TRPM3: variants seen among roughly 807,000 people sequenced by gnomAD.
The protein encoded by TRPM3 is long transient receptor potential channel 3.
A neutral mutation model predicts 181.2 loss-of-function variants in TRPM3; 77 were observed. The ratio of observed to expected loss-of-function variants is 0.42; its 90% CI spans 0.35 to 0.51. TRPM3 has a LOEUF of 0.51. TRPM3 is among the 20% of genes least tolerant of loss of function. The pLI is 0.01. For missense variants in TRPM3, 1,759 were observed against 2,196.7 expected (o/e 0.80, Z 3.98); for synonymous variants, 745 against 796.4 (o/e 0.94, Z 1.09).
intron 7 of TRPM3, chr9:70,776,255 C>A (rs915189938): frequency 1.8e-5 from 8 of 451,100 alleles, no homozygotes; most frequent in African/African-American, 6.1e-5. Flanking sequence ...AAAAATCAAT[C>A]AAGACAAGTG....
intron 5 of TRPM3, among the ~76,000 whole-genome samples, chr9:70,839,375 A>G (rs1430039612): frequency 2.6e-5 from 4 of 152,152 alleles, no homozygotes; most frequent in Non-Finnish European, 5.9e-5. Flanking sequence ...ATTTAGAAGC[A>G]CACTCAAGGA....
intron 14 of TRPM3, among the ~76,000 whole-genome samples, chr9:70,624,951 G>C (rs1278634434): frequency 6.6e-6 from 1 of 152,046 alleles, no homozygotes; most frequent in Non-Finnish European, 1.5e-5. Flanking sequence ...ATAGATAAAA[G>C]CTCCTTGAGG....
intron 1 of TRPM3, among the ~76,000 whole-genome samples, chr9:71,053,762 A>G (rs1179848989): frequency 2.0e-5 from 3 of 152,124 alleles, no homozygotes; most frequent in Non-Finnish European, 4.4e-5. Flanking sequence ...TCCAAAAGGT[A>G]TGAGCCAGAC....
chr9:71,134,420 T>C (rs2074625839), intron 1 of TRPM3, among the ~76,000 whole-genome samples: 1 of 151,786 alleles, frequency 6.6e-6, no homozygotes, highest in Admixed American at 6.6e-5. Context: ...GGTGTGATGG[T>C]GTGCACCTGT....
intron 22 of TRPM3, among the ~76,000 whole-genome samples, chr9:70,569,563 G>A (rs953259277): frequency 2.0e-5 from 3 of 152,174 alleles, no homozygotes; most frequent in Non-Finnish European, 2.9e-5. Context: ...AACCAGAGAC[G>A]ATGAGTTTAG....
intron 1 of TRPM3, among the ~76,000 whole-genome samples, chr9:71,314,032 A>G (rs1278973798): frequency 2.0e-5 from 3 of 152,160 alleles, no homozygotes; most frequent in Non-Finnish European, 4.4e-5. Flanking sequence ...AATTCTTCAT[A>G]AACACCACTG....
chr9:71,139,584 A>T (rs1284862833), intron 1 of TRPM3, among the ~76,000 whole-genome samples: 3 of 152,164 alleles, frequency 2.0e-5, no homozygotes, highest in Admixed American at 1.3e-4. Context: ...TTATTTTAAA[A>T]ATTTTGTTGG....
At chr9:70,616,148 G>C (rs1448682698) in intron 17 of TRPM3, 73 bp from the exon 18 acceptor site, 18 of 1,221,184 alleles carry the variant, frequency 1.5e-5, no homozygotes, top group Non-Finnish European at 1.9e-5. Flanking sequence ...TTTAGAATCA[G>C]AGAGCCTGAG....
chr9:70,782,996 C>T (rs1020173144), intron 7 of TRPM3, among the ~76,000 whole-genome samples: 21 of 151,946 alleles, frequency 1.4e-4, no homozygotes, highest in Admixed American at 6.6e-5. Context: ...CATGCTCAGT[C>T]TCTATTTAAA....
intron 1 of TRPM3, among the ~76,000 whole-genome samples, chr9:71,029,502 A>C (rs112060961): frequency 0.014 from 2,168 of 152,298 alleles, 41 homozygotes; most frequent in African/African-American, 0.05. Flanking sequence ...TTAAGATATA[A>C]ATATTTTTCT....
At chr9:71,297,997 A>C (rs2086437999) in intron 1 of TRPM3, among the ~76,000 whole-genome samples, 1 of 152,180 alleles carries the variant, frequency 6.6e-6, no homozygotes, top group South Asian at 2.1e-4. Flanking sequence ...TTATAAACAT[A>C]GCATCAAAAT....
At chr9:70,590,430 A>T (rs2057922182) in intron 22 of TRPM3, among the ~76,000 whole-genome samples, 1 of 152,212 alleles carries the variant, frequency 6.6e-6, no homozygotes, top group Admixed American at 6.5e-5. Context: ...ATAGCAAGCA[A>T]CTCAGTTTAT....
chr9:71,050,632 A>G (rs536403851), intron 1 of TRPM3, among the ~76,000 whole-genome samples: 2 of 152,354 alleles, frequency 1.3e-5, no homozygotes, highest in East Asian at 3.9e-4. Flanking sequence ...CACTTTTAGA[A>G]GTGTTACTTT....
intron 1 of TRPM3, among the ~76,000 whole-genome samples, chr9:71,316,481 G>A (rs940234005): frequency 1.3e-5 from 2 of 152,198 alleles, no homozygotes; most frequent in Non-Finnish European, 1.5e-5. Flanking sequence ...GAGAAAGGAA[G>A]ATTATCTTGA....
chr9:71,026,159 C>T (rs1227951451), intron 1 of TRPM3, among the ~76,000 whole-genome samples: 1 of 152,244 alleles, frequency 6.6e-6, no homozygotes, highest in African/African-American at 2.4e-5. Context: ...GCCAGGAGTG[C>T]CCATTCCCTT....
At chr9:70,846,903 C>A (rs893635270) in intron 3 of TRPM3, among the ~76,000 whole-genome samples, 2 of 152,294 alleles carry the variant, frequency 1.3e-5, no homozygotes, top group Middle Eastern at 3.4e-3. Context: ...TTTCACCACC[C>A]TTTACATGTG....
intron 1 of TRPM3, among the ~76,000 whole-genome samples, chr9:71,086,817 G>T (rs1381958716): frequency 6.6e-6 from 1 of 151,958 alleles, no homozygotes; most frequent in East Asian, 1.9e-4. Flanking sequence ...AATATTCTAG[G>T]CAGAGCTAGG....
chr9:71,416,933 C>T (rs1362241515), intron 1 of TRPM3, among the ~76,000 whole-genome samples: 3 of 151,918 alleles, frequency 2.0e-5, no homozygotes, highest in Admixed American at 2.0e-4. Context: ...ACAATATGTA[C>T]TATTCTGTGT....
chr9:71,375,344 C>T (rs779616080), intron 1 of TRPM3, among the ~76,000 whole-genome samples: 6 of 152,118 alleles, frequency 3.9e-5, no homozygotes, highest in Non-Finnish European at 5.9e-5. Context: ...AAACTGGACC[C>T]CTTCCTTACA....
Sources: gnomAD v4.1 joint callset for allele counts (sites outside exome capture counted in the v4.1 genomes callset) on GRCh38, gnomAD v4.1.1 for gene constraint, MANE v1.5 for transcripts, NCBI Gene and HGNC (gene_info 2026-07-23, HGNC 2026-07-21) for gene names.